The following EEFSEC variants were observed in gnomAD, a reference collection of about 807,000 sequenced individuals.
The protein encoded by EEFSEC is selenocysteine-specific elongation factor.
Under a neutral mutation model 42.1 loss-of-function variants are expected in EEFSEC, and 43 were observed. The ratio of observed to expected loss-of-function variants is 1.02; its 90% CI spans 0.80 to 1.32. The LOEUF is 1.32. EEFSEC is among the 40% of genes most tolerant of loss of function. The probability of loss-of-function intolerance (pLI) is 0.00; values close to 1 mark genes in which losing one functional copy is unlikely to be tolerated. For synonymous variants in EEFSEC, 354 were observed against 339.1 expected (o/e 1.04, Z -0.48); for missense variants, 745 against 803.6 (o/e 0.93, Z 0.88).
intron 4 of EEFSEC, among the ~76,000 whole-genome samples, chr3:128,324,112 G>A (rs908280566): frequency 6.6e-6 from 1 of 152,220 alleles, no homozygotes; most frequent in Admixed American, 6.5e-5. Context: ...TCTTTGGTCT[G>A]GGGCTGGGAG....
chr3:128,218,399 A>G (rs574739983), intron 1 of EEFSEC, among the ~76,000 whole-genome samples: 5 of 152,360 alleles, frequency 3.3e-5, no homozygotes, highest in African/African-American at 1.2e-4. Context: ...GTGGCCAGAC[A>G]CCAGCTGTAA....
chr3:128,254,878 G>A (rs1332353582), intron 2 of EEFSEC, among the ~76,000 whole-genome samples: 2 of 152,154 alleles, frequency 1.3e-5, no homozygotes, highest in African/African-American at 2.4e-5. Flanking sequence ...GAGGCCTGGG[G>A]TGAGAAGAGC....
intron 1 of EEFSEC, among the ~76,000 whole-genome samples, chr3:128,165,118 AC>A (rs1178176922): frequency 1.3e-5 from 2 of 152,142 alleles, no homozygotes; most frequent in Non-Finnish European, 2.9e-5. Flanking sequence ...ACTGTTCTAG[AC>A]CCGTGGCTCT....
chr3:128,348,176 T>A (rs987205521), intron 5 of EEFSEC, among the ~76,000 whole-genome samples: 5 of 151,772 alleles, frequency 3.3e-5, no homozygotes, highest in African/African-American at 4.8e-5. Context: ...GAAAGTAAAA[T>A]CATGAACCAC....
rs1390329585 is a variant in EEFSEC, at chr3:128,264,662, C to G, written c.667C>G (p.Pro223Ala). The change falls in exon 4 of 7, where the codon CCG (proline) becomes GCG (alanine). Residue 223 changes from proline (P) to alanine (A), a missense_variant. Physicochemically the swap from Pro to Ala is conservative, Grantham distance 27. Coordinates refer to ENST00000254730, the MANE Select transcript of EEFSEC (RefSeq NM_021937.5). Reference sequence around the variant, plus strand: ...CATCCCAACGAGAGATCCCTCGGGACCGTTCCTCATGTCTGTGGACCACTG... The same window carrying G: ...CATCCCAACGAGAGATCCCTCGGGAGCGTTCCTCATGTCTGTGGACCACTG... ...ISIPTRDPSG[P>A]FLMSVDHCFS... 2 of 1,614,010 alleles carry G rather than the reference C, an allele frequency of 1.2e-6. No individual in the cohort carries two copies. The highest frequency in any genetic ancestry group is 1.7e-6 in the Non-Finnish European group (2 of 1,180,006).
chr3:128,362,383 G>GGTCT, intron 6 of EEFSEC: 1 of 431,608 alleles, frequency 2.3e-6, no homozygotes. Context: ...GAGTCACTGG[G>GGTCT]CATTTACTCT....
the EEFSEC span, among the ~76,000 whole-genome samples, chr3:128,425,544 C>T: frequency 6.6e-6 from 1 of 152,242 alleles, no homozygotes; most frequent in East Asian, 1.9e-4. Context: ...TGTTGTGTGG[C>T]GTGTGTTTTA....
At chr3:128,311,589 G>A (rs566652885) in intron 4 of EEFSEC, among the ~76,000 whole-genome samples, 10 of 152,324 alleles carry the variant, frequency 6.6e-5, no homozygotes, top group African/African-American at 2.2e-4. Context: ...TCAGGCCCAC[G>A]GAGCTAGTTT....
chr3:128,371,109 C>T (rs1394396207), intron 6 of EEFSEC, among the ~76,000 whole-genome samples: 1 of 151,680 alleles, frequency 6.6e-6, no homozygotes, highest in East Asian at 1.9e-4. Flanking sequence ...GGTTTTGGAG[C>T]AGTTTTTTTT....
chr3:128,281,456 C>T (rs1190381354), intron 4 of EEFSEC, among the ~76,000 whole-genome samples: 1 of 152,156 alleles, frequency 6.6e-6, no homozygotes, highest in Non-Finnish European at 1.5e-5. Flanking sequence ...GTTCCAGAAA[C>T]TTGACTTTGT....
chr3:128,335,155 C>A (rs758727888), intron 4 of EEFSEC, among the ~76,000 whole-genome samples: 2 of 152,208 alleles, frequency 1.3e-5, no homozygotes, highest in Non-Finnish European at 2.9e-5. Flanking sequence ...TGCATTGAGG[C>A]CTCCCACATT....
At chr3:128,304,251 G>T (rs1356802791) in intron 4 of EEFSEC, among the ~76,000 whole-genome samples, 5 of 151,562 alleles carry the variant, frequency 3.3e-5, no homozygotes, top group African/African-American at 1.2e-4. Flanking sequence ...GTTGAATATA[G>T]ATGTAATATA....
intron 6 of EEFSEC, among the ~76,000 whole-genome samples, chr3:128,398,636 G>T (rs1296563353): frequency 1.3e-5 from 2 of 152,008 alleles, no homozygotes; most frequent in African/African-American, 4.8e-5. Flanking sequence ...TGCCCCTGCC[G>T]GGCCTGCAGG....
chr3:128,181,053 C>T (rs1326959465), intron 1 of EEFSEC, among the ~76,000 whole-genome samples: 1 of 152,162 alleles, frequency 6.6e-6, no homozygotes, highest in African/African-American at 2.4e-5. Flanking sequence ...CCCTTAGAAG[C>T]ATCTAGCCTT....
At chr3:128,239,670 C>T (rs113969820) in intron 1 of EEFSEC, among the ~76,000 whole-genome samples, 110 of 152,352 alleles carry the variant, frequency 7.2e-4, no homozygotes, top group African/African-American at 2.6e-3. Context: ...GTCTCCTCTA[C>T]AGGAACCTGA....
chr3:128,358,413 C>T, intron 6 of EEFSEC, 40 bp downstream of exon 6: 2 of 1,609,658 alleles, frequency 1.2e-6, no homozygotes, highest in East Asian at 2.2e-5. Context: ...GGACACCGTG[C>T]AGGGCACAGA....
chr3:128,319,390 A>G (rs1398070883), intron 4 of EEFSEC, among the ~76,000 whole-genome samples: 1 of 152,184 alleles, frequency 6.6e-6, no homozygotes, highest in African/African-American at 2.4e-5. Context: ...GTAAATATTC[A>G]TGCCTCAGTG....
At chr3:128,210,926 G>A (rs1028366493) in intron 1 of EEFSEC, among the ~76,000 whole-genome samples, 4 of 152,200 alleles carry the variant, frequency 2.6e-5, no homozygotes, top group Admixed American at 6.5e-5. Context: ...AAATGAAAAT[G>A]TCCTGCCAAT....
At chr3:128,419,281 G>A in the EEFSEC span, among the ~76,000 whole-genome samples, 1 of 152,250 alleles carries the variant, frequency 6.6e-6, no homozygotes, top group Non-Finnish European at 1.5e-5. Flanking sequence ...ATGTTCATCA[G>A]TAGTGGTGTG....
Sources: gnomAD v4.1 joint callset for allele counts (sites outside exome capture counted in the v4.1 genomes callset) on GRCh38, gnomAD v4.1.1 for gene constraint, MANE v1.5 for transcripts, NCBI Gene and HGNC (gene_info 2026-07-23, HGNC 2026-07-21) for gene names.